Variants in HIP1 observed in about 807,000 individuals in gnomAD.
The protein encoded by HIP1 is huntingtin interacting protein 1.
Under a neutral mutation model 147.6 loss-of-function variants are expected in HIP1, and 65 were observed. That is an observed-to-expected ratio of 0.44 (90% CI 0.36 to 0.54). The LOEUF is 0.54. Among genes scored for constraint, HIP1 ranks in the 20% least tolerant of loss-of-function variants. The pLI, the probability that HIP1 is intolerant of heterozygous loss-of-function variation, is 0.00. For synonymous variants in HIP1, 479 were observed against 504.0 expected (o/e 0.95, Z 0.67); for missense variants, 1,061 against 1,299.6 (o/e 0.82, Z 2.82).
chr7:75,622,276 CAA>C (rs35866984), intron 1 of HIP1, among the ~76,000 whole-genome samples: 66 of 146,166 alleles, frequency 4.5e-4, no homozygotes, highest in African/African-American at 1.5e-3. Context: ...GACTCTGTCT[CAA>C]AAAAAAAAAG....
intron 1 of HIP1, among the ~76,000 whole-genome samples, chr7:75,647,674 G>C (rs1463678272): frequency 6.6e-6 from 1 of 152,228 alleles, no homozygotes. Context: ...TCTGGGTCAG[G>C]GTGTGCATGG....
chr7:75,616,483 G>T (rs1797666893), intron 1 of HIP1, among the ~76,000 whole-genome samples: 1 of 152,050 alleles, frequency 6.6e-6, no homozygotes, highest in Admixed American at 6.6e-5. Flanking sequence ...TTGTTGCCCA[G>T]GCTGGTCTTG....
chr7:75,640,877 A>G (rs1430750854), intron 1 of HIP1, among the ~76,000 whole-genome samples: 1 of 152,124 alleles, frequency 6.6e-6, no homozygotes, highest in Non-Finnish European at 1.5e-5. Context: ...CCTGAGGAGA[A>G]GGCATCTCCT....
intron 1 of HIP1, among the ~76,000 whole-genome samples, chr7:75,713,102 C>T (rs1297701086): frequency 2.0e-5 from 3 of 152,208 alleles, no homozygotes; most frequent in African/African-American, 7.2e-5. Context: ...AGACACAAAC[C>T]AGGGCCATCC....
At chr7:75,650,877 CT>C (rs1798954354) in intron 1 of HIP1, among the ~76,000 whole-genome samples, 1 of 152,048 alleles carries the variant, frequency 6.6e-6, no homozygotes, top group South Asian at 2.1e-4. Flanking sequence ...GTTATCACGG[CT>C]TACAGGAAGC....
intron 1 of HIP1, among the ~76,000 whole-genome samples, chr7:75,690,764 A>G (rs1554518062): frequency 6.6e-6 from 1 of 152,032 alleles, no homozygotes; most frequent in African/African-American, 2.4e-5. Flanking sequence ...CGGAAGGCTG[A>G]GGCAGGAGAA....
At chr7:75,677,621 A>G (rs1231029703) in intron 1 of HIP1, among the ~76,000 whole-genome samples, 1 of 151,368 alleles carries the variant, frequency 6.6e-6, no homozygotes, top group African/African-American at 2.4e-5. Context: ...AAAAAAAAAA[A>G]AAAAGACAAG....
chr7:75,692,394 G>A (rs1205031385), intron 1 of HIP1, among the ~76,000 whole-genome samples: 1 of 151,074 alleles, frequency 6.6e-6, no homozygotes, highest in Non-Finnish European at 1.5e-5. Context: ...CAAGCAGCTG[G>A]GACTACAGGC....
At chr7:75,671,028 G>T (rs2705821) in intron 1 of HIP1, among the ~76,000 whole-genome samples, 85,449 of 151,400 alleles carry the variant, frequency 0.56, 24,550 homozygotes, top group African/African-American at 0.66. Flanking sequence ...CTAGCTTATT[G>T]CACTTAGCAT....
At chr7:75,664,393 TATAC>T (rs1185149163) in intron 1 of HIP1, among the ~76,000 whole-genome samples, 2 of 143,220 alleles carry the variant, frequency 1.4e-5, no homozygotes, top group East Asian at 2.1e-4. Context: ...TATGTATACG[TATAC>T]ATACATATAT....
At chr7:75,561,940 C>A in intron 12 of HIP1, 133 bp downstream of exon 12, 2 of 642,988 alleles carry the variant, frequency 3.1e-6, no homozygotes. Flanking sequence ...AGCCATTGCC[C>A]CCAACCCTTC....
chr7:75,733,456 CA>C (rs1801911174), intron 1 of HIP1: 1 of 141,958 alleles, frequency 7.0e-6, no homozygotes, highest in African/African-American at 2.7e-5. Context: ...TGAGGGCAGG[CA>C]GTACTTTTCA....
chr7:75,618,716 G>A (rs1797747980), intron 1 of HIP1, among the ~76,000 whole-genome samples: 1 of 152,154 alleles, frequency 6.6e-6, no homozygotes, highest in African/African-American at 2.4e-5. Context: ...CCCCAGCACG[G>A]GAACCATCCC....
chr7:75,616,085 CAAAAAAAAAAAA>C (rs71098042), intron 1 of HIP1, among the ~76,000 whole-genome samples: 1 of 35,322 alleles, frequency 2.8e-5, no homozygotes, highest in Admixed American at 3.9e-4. Flanking sequence ...GACTCTGTCT[CAAAAAAAAAAAA>C]AAAAAAAAAG....
intron 1 of HIP1, among the ~76,000 whole-genome samples, chr7:75,697,092 C>T (rs1353001759): frequency 6.6e-6 from 1 of 151,944 alleles, no homozygotes; most frequent in Non-Finnish European, 1.5e-5. Flanking sequence ...GAATCTAAAA[C>T]ATTCTCTTCT....
chr7:75,679,042 G>T (rs1194694045), intron 1 of HIP1, among the ~76,000 whole-genome samples: 7 of 152,172 alleles, frequency 4.6e-5, no homozygotes, highest in African/African-American at 1.4e-4. Context: ...TTAAACTGGG[G>T]TCGCTAACTT....
In HIP1 at chr7:75,588,098, T is replaced by G. The variant is rs587745668; in HGVS notation, c.385-1265A>C. On this transcript the variant is annotated intron_variant, in intron 4 of 30. Coordinates refer to ENST00000336926, the MANE Select transcript of HIP1 (RefSeq NM_005338.7). ...AGTCCTCCCTAAGGACTATGAAGAA[T>G]TCTACCGCCTCAAATCACCGCTGTG... 3.3e-5 allele frequency among the ~76,000 whole-genome samples: 5 copies of G among 152,310 alleles called. No individual in the cohort carries two copies. In the South Asian group the frequency reaches 1.0e-3, roughly 32 times the overall value.
chr7:75,697,577 C>T (rs1297828733), intron 1 of HIP1, among the ~76,000 whole-genome samples: 1 of 152,112 alleles, frequency 6.6e-6, no homozygotes, highest in African/African-American at 2.4e-5. Flanking sequence ...TGTTGGGAGG[C>T]CAAGGCAGAC....
intron 1 of HIP1, among the ~76,000 whole-genome samples, chr7:75,717,676 CAA>C (rs55982331): frequency 2.5e-5 from 3 of 117,726 alleles, no homozygotes; most frequent in Non-Finnish European, 5.1e-5. Context: ...ACTAAAAATA[CAA>C]AAAAAAAAAA....
Sources: gnomAD v4.1 joint callset for allele counts (sites outside exome capture counted in the v4.1 genomes callset) on GRCh38, gnomAD v4.1.1 for gene constraint, MANE v1.5 for transcripts, NCBI Gene and HGNC (gene_info 2026-07-23, HGNC 2026-07-21) for gene names.